Variants in CRTC3 observed in about 807,000 individuals in gnomAD.
CRTC3 encodes CREB regulated transcription coactivator 3.
CRTC3 carries 26 observed loss-of-function variants against 74.5 expected under a neutral mutation model. The ratio of observed to expected loss-of-function variants is 0.35; its 90% confidence interval spans 0.26 to 0.48. The LOEUF (loss-of-function observed/expected upper bound fraction) is 0.48. Among genes scored for constraint, CRTC3 ranks in the 20% least tolerant of loss-of-function variants. CRTC3 has a pLI of 0.99. For missense variants in CRTC3, 760 were observed against 787.3 expected, an observed-to-expected ratio of 0.97 and a Z score of 0.41; for synonymous variants, 377 against 325.8, an observed-to-expected ratio of 1.16 and a Z score of -1.69.
chr15:90,557,503 AC>A (rs1382246450), intron 2 of CRTC3, among the ~76,000 whole-genome samples: 1 of 152,192 alleles, frequency 6.6e-6, no homozygotes, highest in East Asian at 1.9e-4. Context: ...GGTCTCAGAC[AC>A]GTACAAATGG....
chr15:90,562,299 CATT>C (rs1967029459), intron 2 of CRTC3, among the ~76,000 whole-genome samples: 1 of 152,166 alleles, frequency 6.6e-6, no homozygotes, highest in Admixed American at 6.5e-5. Context: ...TACCTGATAT[CATT>C]GAGTTCCCAC....
intron 2 of CRTC3, among the ~76,000 whole-genome samples, chr15:90,548,526 T>G (rs1966848582): frequency 6.6e-6 from 1 of 152,188 alleles, no homozygotes; most frequent in African/African-American, 2.4e-5. Flanking sequence ...CCAGTTCCAT[T>G]TCCATGGTTT....
In CRTC3 at chr15:90,643,315, G is replaced by A. The variant is rs372480036; in HGVS notation, c.*1175G>A. On this transcript the variant is annotated 3_prime_UTR_variant, in exon 15 of 15. Transcript: ENST00000268184. ...CAGAGCTTTAGCTTTTCTAGCACTC[G>A]TGCCTATGGTGAAGCATGCACTTTA... 2.2e-5 allele frequency: 5 copies of A among 230,902 alleles called. No individual in the cohort carries two copies. Among genetic ancestry groups the A allele is most frequent in the East Asian group, 6.1e-5 (1 of 16,284 alleles). The allele number at this position is 230,902 out of a possible 1,614,324, so 14.3% of individuals were successfully genotyped here. A position where few individuals can be genotyped will look rare whatever the true frequency, so the allele number is the denominator to read the frequency against.
intron 13 of CRTC3, among the ~76,000 whole-genome samples, chr15:90,639,341 T>G (rs1969356111): frequency 6.6e-6 from 1 of 152,162 alleles, no homozygotes; most frequent in African/African-American, 2.4e-5. Flanking sequence ...TAACATTGAC[T>G]ATTTTTAATA....
rs1013959423 is a variant in CRTC3 at position 90,618,301 on chromosome 15, G to GT, written c.699+340dup. On this transcript the variant is annotated intron_variant, in intron 8 of 14. Transcript: ENST00000268184. ...TTGTAAGTCATAGGCAGATTTTTCT[G>GT]TTTTTTTAGCCAGCACTTTATACCA... 1.8e-4 allele frequency: 32 copies of GT among 173,196 alleles called. 1 individual carries two copies. The highest frequency in any genetic ancestry group is 1.4e-4 in the South Asian group (1 of 6,944). 10.7% of individuals were successfully genotyped at this position (173,196 alleles called of 1,614,324 possible). A position where few individuals can be genotyped will look rare whatever the true frequency, so the allele number is the denominator to read the frequency against.
At chr15:90,544,137 G>A (rs1966840116) in intron 2 of CRTC3, among the ~76,000 whole-genome samples, 1 of 152,198 alleles carries the variant, frequency 6.6e-6, no homozygotes, top group African/African-American at 2.4e-5. Flanking sequence ...GCAGCACCAT[G>A]AATGCTCTGG....
chr15:90,640,739 G>A (rs1363952936), intron 13 of CRTC3, among the ~76,000 whole-genome samples: 1 of 151,968 alleles, frequency 6.6e-6, no homozygotes, highest in Non-Finnish European at 1.5e-5. Flanking sequence ...GTTATAGACA[G>A]AGCCTTTGAA....
In CRTC3 at chr15:90,625,764, TTC is replaced by T; in HGVS notation, c.750-10_750-9del. 1 of 1,609,812 alleles carries T rather than the reference TTC, an allele frequency of 6.2e-7. No homozygotes were observed. Among genetic ancestry groups the T allele is most frequent in the Non-Finnish European group, 8.5e-7 (1 of 1,176,050 alleles). ...CATTGTAGAAAGTCATTCTTAATCT[TTC>T]TTTTTTCAGTGCTTTTCCACATAAT... On this transcript the variant is annotated splice_polypyrimidine_tract_variant and intron_variant, in intron 9 of 14. Transcript: ENST00000268184.
At chr15:90,637,661 C>T (rs1789119111) in intron 11 of CRTC3, among the ~76,000 whole-genome samples, 1 of 152,182 alleles carries the variant, frequency 6.6e-6, no homozygotes, top group Non-Finnish European at 1.5e-5. Context: ...GTAGAACCTT[C>T]CAGTCTCCTG....
chr15:90,535,326 A>C (rs1305410003), intron 1 of CRTC3, among the ~76,000 whole-genome samples: 2 of 152,182 alleles, frequency 1.3e-5, no homozygotes, highest in Non-Finnish European at 2.9e-5. Context: ...TATGAAGAGG[A>C]GGGAATGCCG....
At chr15:90,632,417 G>A (rs1969072282) in intron 11 of CRTC3, among the ~76,000 whole-genome samples, 1 of 152,010 alleles carries the variant, frequency 6.6e-6, no homozygotes, top group African/African-American at 2.4e-5. Context: ...GCAACATAGT[G>A]ACACCCTATC....
chr15:90,598,443 T>A (rs975141216), intron 3 of CRTC3: 4 of 702,792 alleles, frequency 5.7e-6, no homozygotes, highest in Non-Finnish European at 1.0e-5. Context: ...CCTCTAACAC[T>A]CCACAGGTTG....
intron 4 of CRTC3, among the ~76,000 whole-genome samples, chr15:90,603,267 C>T (rs975650198): frequency 8.7e-5 from 13 of 149,002 alleles, no homozygotes; most frequent in Non-Finnish European, 1.5e-4. Context: ...CACGGTGAAA[C>T]CCCGTCTCCA....
At chr15:90,590,223 G>A (rs1967768473) in intron 2 of CRTC3, among the ~76,000 whole-genome samples, 1 of 152,018 alleles carries the variant, frequency 6.6e-6, no homozygotes, top group Admixed American at 6.6e-5. Flanking sequence ...AACCAAGGAA[G>A]TGGAGGCTGC....
chr15:90,635,411 G>A (rs887152803), intron 11 of CRTC3, among the ~76,000 whole-genome samples: 9 of 152,102 alleles, frequency 5.9e-5, no homozygotes, highest in Non-Finnish European at 5.9e-5. Flanking sequence ...TTGGGAGGCC[G>A]AGGCGGGTGG....
intron 5 of CRTC3, among the ~76,000 whole-genome samples, chr15:90,606,154 G>A (rs1796747560): frequency 1.3e-5 from 2 of 152,122 alleles, no homozygotes; most frequent in Non-Finnish European, 2.9e-5. Flanking sequence ...TACTTGAGAG[G>A]CTGAGGCGAG....
chr15:90,629,789 T>C (rs951966027), intron 11 of CRTC3, among the ~76,000 whole-genome samples: 16 of 152,300 alleles, frequency 1.1e-4, no homozygotes, highest in African/African-American at 3.1e-4. Context: ...AGTGGCACAA[T>C]CGCGGCTCAC....
chr15:90,628,663 T>C (rs905890702), intron 10 of CRTC3, among the ~76,000 whole-genome samples: 7 of 152,044 alleles, frequency 4.6e-5, no homozygotes, highest in African/African-American at 9.7e-5. Flanking sequence ...TAGACTGTGA[T>C]GAACAATTTC....
At chr15:90,566,869 C>A (rs549068677) in intron 2 of CRTC3, among the ~76,000 whole-genome samples, 1 of 152,106 alleles carries the variant, frequency 6.6e-6, no homozygotes, top group South Asian at 2.1e-4. Context: ...CGCCACCACA[C>A]CTGGCTAATT....
Sources: allele counts gnomAD v4.1 joint callset (sites outside exome capture counted in the v4.1 genomes callset), GRCh38; gene constraint gnomAD v4.1.1; transcripts MANE v1.5; gene names NCBI Gene and HGNC (gene_info 2026-07-23, HGNC 2026-07-21).